RADIL: variants seen among roughly 807,000 people sequenced by gnomAD.
RADIL encodes Rap associating with DIL domain, also known as ras-associating and dilute domain-containing protein.
In RADIL, 99 loss-of-function variants were observed where a neutral mutation model predicts 97.6. That is an observed-to-expected ratio of 1.01 (90% confidence interval 0.86 to 1.20). RADIL has a LOEUF of 1.20. Among genes scored for constraint, RADIL ranks in the 50% most tolerant of loss-of-function variants. The pLI, the probability that RADIL is intolerant of heterozygous loss-of-function variation, is 0.00. For missense variants in RADIL, 1,765 were observed against 1,498.9 expected (o/e 1.18, Z -2.93); for synonymous variants, 803 against 691.8 (o/e 1.16, Z -2.52).
intron 2 of RADIL, among the ~76,000 whole-genome samples, chr7:4,876,182 C>T (rs1484093594): frequency 6.6e-6 from 1 of 151,292 alleles, no homozygotes; most frequent in Non-Finnish European, 1.5e-5. Context: ...AGAGATGGGG[C>T]CTCACTATGT....
chr7:4,805,588 G>A lies in RADIL; in HGVS notation c.2268C>T (p.Asp756=), dbSNP rs777730327. 1.2e-6 allele frequency: 2 copies of A among 1,611,004 alleles called. No individual in the cohort carries two copies. The highest frequency in any genetic ancestry group is 4.5e-5 in the East Asian group (2 of 44,866). ...PMSTWEPGAQ[D]SPEAFRSEDV... ...TACCTGACCTGAAGGCCTCGGGGCTGTCCTGGGCCCCTGGCTCCCAGGTGC... is the reference window on the plus strand; with the variant it reads ...TACCTGACCTGAAGGCCTCGGGGCTATCCTGGGCCCCTGGCTCCCAGGTGC... The change falls in exon 10 of 15, where the codon GAC becomes GAT. Residue 756 remains aspartate, a synonymous_variant. Coordinates refer to ENST00000399583, the MANE Select transcript of RADIL (RefSeq NM_018059.5).
chr7:4,850,470 T>A (rs1293423171), intron 2 of RADIL, among the ~76,000 whole-genome samples: 1 of 152,242 alleles, frequency 6.6e-6, no homozygotes, highest in Non-Finnish European at 1.5e-5. Context: ...GGAGGTTATT[T>A]GCTGGGCCGA....
At chr7:4,804,237 G>C (rs116270677) in intron 10 of RADIL, among the ~76,000 whole-genome samples, 1 of 152,242 alleles carries the variant, frequency 6.6e-6, no homozygotes, top group African/African-American at 2.4e-5. Flanking sequence ...CGGCGGAAGA[G>C]TGCGTGCATA....
intron 2 of RADIL, chr7:4,861,769 C>T (rs763947119): frequency 6.7e-7 from 1 of 1,486,316 alleles, no homozygotes; most frequent in East Asian, 2.3e-5. Context: ...GCGGCGGCGC[C>T]GGCTGCGGTG....
rs1050191961 is a variant in RADIL, at chr7:4,867,249, G to C, written c.535+10356C>G. On this transcript the variant is annotated intron_variant, in intron 2 of 14. Coordinates refer to ENST00000399583, the MANE Select transcript of RADIL (RefSeq NM_018059.5). The surrounding 1 kb of genome is among the most constrained non-coding windows in gnomAD (Gnocchi z 4.1). The stretch of plus-strand genomic sequence containing the variant: ...AGCTGCTGTCCAGCCATGCTCACCA[G>C]GAAATGACATGCACATATGCTCTGT... Among the ~76,000 whole-genome samples the C allele has an allele frequency of 6.6e-6, 1 of 152,170 alleles. No individual in the cohort carries two copies. The highest frequency in any genetic ancestry group is 6.5e-5 in the Admixed American group (1 of 15,278).
In RADIL at chr7:4,800,234, G is replaced by A. The variant is rs781758529; in HGVS notation, c.2919C>T (p.Tyr973=). The A allele has an allele frequency of 5.3e-5, 85 of 1,599,930 alleles. No homozygotes were observed. The highest frequency in any genetic ancestry group is 2.2e-4 in the African/African-American group (16 of 74,130). The change falls in exon 13 of 15, where the codon TAC becomes TAT. Residue 973 remains tyrosine (Y), a synonymous_variant. Coordinates refer to ENST00000399583, the MANE Select transcript of RADIL (RefSeq NM_018059.5). The stretch of plus-strand genomic sequence containing the variant: ...CTCGTTCCAGCTCCACCGTGAAGAC[G>A]TAGCAGAAGTCCTCGGTGCTGGAGC... The part of the protein sequence containing the change: ...SRSSSTEDFC[Y]VFTVELERGP...
rs903334983 is a variant in RADIL, at chr7:4,819,685, C to T, written c.1616-2334G>A. Reference sequence around the variant, plus strand: ...GTGACCCACCCTCGGGACGCGACAGCCCTGCTCTCCGAATTCTTCCCACAG... The same window carrying T: ...GTGACCCACCCTCGGGACGCGACAGTCCTGCTCTCCGAATTCTTCCCACAG... On this transcript the variant is annotated intron_variant, in intron 6 of 14. Coordinates refer to ENST00000399583, the MANE Select transcript of RADIL (RefSeq NM_018059.5). The surrounding 1 kb of genome is among the most constrained non-coding windows in gnomAD (Gnocchi z 5.8). 2.6e-5 allele frequency among the ~76,000 whole-genome samples: 4 copies of T among 152,192 alleles called. No individual in the cohort carries two copies. The highest frequency in any genetic ancestry group is 4.4e-5 in the Non-Finnish European group (3 of 68,034).
At chr7:4,860,076 G>A in intron 2 of RADIL, 1 of 1,614,018 alleles carries the variant, frequency 6.2e-7, no homozygotes, top group Non-Finnish European at 8.5e-7. Flanking sequence ...GTATTCACCT[G>A]TTGCAAGGAA....
In RADIL at chr7:4,867,601, G is replaced by A. The variant is rs1382380656; in HGVS notation, c.535+10004C>T. Among the ~76,000 whole-genome samples, 1 of 151,918 alleles carries A rather than the reference G, an allele frequency of 6.6e-6. No individual in the cohort carries two copies. Among genetic ancestry groups the A allele is most frequent in the African/African-American group, 2.4e-5 (1 of 41,292 alleles). ...TTTGAGACCAGTCTGGCAACATAGT[G>A]AGGCCCTGTCTCTATTTTTAAAATA... On this transcript the variant is annotated intron_variant, in intron 2 of 14. Transcript: ENST00000399583. The surrounding 1 kb of genome is among the most constrained non-coding windows in gnomAD (Gnocchi z 4.1).
chr7:4,861,013 C>A (rs112213840), intron 2 of RADIL: 1 of 1,614,096 alleles, frequency 6.2e-7, no homozygotes, highest in Non-Finnish European at 8.5e-7. Flanking sequence ...CAAGAGTTGA[C>A]GCTACTGCAT....
At chr7:4,823,182 G>C (rs1310591752) in intron 5 of RADIL, among the ~76,000 whole-genome samples, 1 of 152,152 alleles carries the variant, frequency 6.6e-6, no homozygotes, top group African/African-American at 2.4e-5. Flanking sequence ...GAGGCCAGGC[G>C]TGGTGGCTCA....
intron 7 of RADIL, among the ~76,000 whole-genome samples, chr7:4,816,827 C>T (rs1782690725): frequency 6.6e-6 from 1 of 152,164 alleles, no homozygotes; most frequent in Non-Finnish European, 1.5e-5. Context: ...TGGCTCACCG[C>T]ACCCCCGATG....
rs1047269462 is a variant in RADIL at position 4,834,052 on chromosome 7, G to T, written c.1416+555C>A. Among the ~76,000 whole-genome samples the T allele has an allele frequency of 1.3e-5, 2 of 152,172 alleles. No individual in the cohort carries two copies. The highest frequency in any genetic ancestry group is 2.9e-5 in the Non-Finnish European group (2 of 68,032). On this transcript the variant is annotated intron_variant, in intron 4 of 14. Transcript: ENST00000399583. This position sits in a 1 kb window ranked among gnomAD's most constrained non-coding sequence, Gnocchi z 6.0. ...CTCCTGCCACAGTGTCCACAGGGCC[G>T]GGGATGAGAGAGGCTGGCCTGGAGG...
chr7:4,804,544 T>C (rs1055136291), intron 10 of RADIL, among the ~76,000 whole-genome samples: 2 of 152,192 alleles, frequency 1.3e-5, no homozygotes, highest in East Asian at 3.9e-4. Context: ...CCCAGCACTT[T>C]GGGAGGCAGG....
In RADIL at chr7:4,819,643, G is replaced by A. The variant is rs547783743; in HGVS notation, c.1616-2292C>T. On this transcript the variant is annotated intron_variant, in intron 6 of 14. Coordinates refer to ENST00000399583, the MANE Select transcript of RADIL (RefSeq NM_018059.5). The surrounding 1 kb of genome is among the most constrained non-coding windows in gnomAD (Gnocchi z 5.8). Reference sequence around the variant, plus strand: ...GAGCTTTGTACAAAACAGTGTTTGCGGAATGACAACAGCCACGTGACCCAC... The same window carrying A: ...GAGCTTTGTACAAAACAGTGTTTGCAGAATGACAACAGCCACGTGACCCAC... Among the ~76,000 whole-genome samples the A allele has an allele frequency of 1.4e-4, 22 of 152,304 alleles. No individual in the cohort carries two copies. Among genetic ancestry groups the A allele is most frequent in the Admixed American group, 3.9e-4 (6 of 15,312 alleles).
intron 7 of RADIL, 60 bp from the exon 8 acceptor site, chr7:4,816,525 G>A: frequency 6.9e-7 from 1 of 1,443,698 alleles, no homozygotes; most frequent in South Asian, 1.2e-5. Context: ...CGGCCGAACG[G>A]GGGGCCTGAC....
intron 9 of RADIL, among the ~76,000 whole-genome samples, chr7:4,807,600 T>G (rs116173409): frequency 0.016 from 1,046 of 64,578 alleles, 35 homozygotes; most frequent in African/African-American, 0.066. Flanking sequence ...CCCTCCCTCC[T>G]CCCTCTCCTT....
intron 2 of RADIL, among the ~76,000 whole-genome samples, chr7:4,864,814 TACA>T (rs1247821479): frequency 6.6e-6 from 1 of 152,218 alleles, no homozygotes; most frequent in Admixed American, 6.5e-5. Context: ...TTTCAACTTC[TACA>T]ACAACTAAAT....
chr7:4,831,716 C>T (rs946696760), intron 5 of RADIL, among the ~76,000 whole-genome samples: 2 of 135,264 alleles, frequency 1.5e-5, no homozygotes, highest in African/African-American at 6.1e-5. Context: ...CCCATCTCTA[C>T]TAAAAGTACA....
Sources: gnomAD v4.1 joint callset for allele counts (sites outside exome capture counted in the v4.1 genomes callset) on GRCh38, gnomAD v4.1.1 for gene constraint, Gnocchi (gnomAD v3.1) non-coding constraint, MANE v1.5 for transcripts, NCBI Gene and HGNC (gene_info 2026-07-23, HGNC 2026-07-21) for gene names.